The following PRICKLE1 variants were observed in gnomAD, a reference collection of about 807,000 sequenced individuals.
PRICKLE1 encodes the protein prickle planar cell polarity protein 1.
A neutral mutation model predicts 70.2 loss-of-function variants in PRICKLE1; 14 were observed. The observed-to-expected ratio is 0.20, with a 90% CI of 0.13 to 0.31. The LOEUF is 0.31. Ranked by LOEUF, PRICKLE1 falls within the 10% of genes least tolerant of loss-of-function variation. The pLI, the probability that PRICKLE1 is intolerant of heterozygous loss-of-function variation, is 1.00. For synonymous variants in PRICKLE1, 357 were observed against 379.9 expected (o/e 0.94, Z 0.70); for missense variants, 821 against 1,026.2 (o/e 0.80, Z 2.73).
chr12:42,506,889 T>C (rs1171175184), intron 1 of PRICKLE1, among the ~76,000 whole-genome samples: 2 of 152,130 alleles, frequency 1.3e-5, no homozygotes, highest in African/African-American at 4.8e-5. Context: ...TTGGCATAGC[T>C]TGTGGTACTG....
At chr12:42,579,332 C>CT (rs899776170) in intron 1 of PRICKLE1, among the ~76,000 whole-genome samples, 9 of 152,056 alleles carry the variant, frequency 5.9e-5, no homozygotes, top group East Asian at 3.9e-4. Flanking sequence ...TTTCACATGT[C>CT]TTTTTTTTAA....
intron 1 of PRICKLE1, among the ~76,000 whole-genome samples, chr12:42,545,283 G>A (rs1416590286): frequency 2.6e-5 from 4 of 152,108 alleles, no homozygotes. Context: ...GGGATTACAG[G>A]TGTGAGCCAC....
In PRICKLE1 at chr12:42,460,190, G is replaced by A. The variant is rs1169397345; in HGVS notation, c.2115C>T (p.Thr705=). The stretch of plus-strand genomic sequence containing the variant: ...GTATAAATTTCTCATAGTTATCGGG[G>A]GTGTACAGCCGCAGTCTGTCCTTGG... ...YSPKDRLRLY[T]PDNYEKFIQN... Residue 705 remains threonine, a synonymous_variant, in exon 8 of 8, where the codon ACC becomes ACT. Coordinates refer to ENST00000345127, the MANE Select transcript of PRICKLE1 (RefSeq NM_153026.3). 2 of 1,613,918 alleles carry A rather than the reference G, an allele frequency of 1.2e-6. No homozygotes were observed. The highest frequency in any genetic ancestry group is 2.2e-5 in the East Asian group (1 of 44,902).
intron 1 of PRICKLE1, among the ~76,000 whole-genome samples, chr12:42,553,427 G>C (rs933733097): frequency 1.8e-4 from 25 of 139,604 alleles, no homozygotes; most frequent in African/African-American, 5.2e-4. Flanking sequence ...CTGGGCAACA[G>C]AGCGAGACTC....
intron 5 of PRICKLE1, 137 bp downstream of exon 5, chr12:42,468,489 A>AT (rs1938188326): frequency 1.2e-5 from 10 of 818,950 alleles, no homozygotes; most frequent in Non-Finnish European, 2.0e-5. Flanking sequence ...CATTGTATGA[A>AT]TGTACAGGAT....
intron 1 of PRICKLE1, among the ~76,000 whole-genome samples, chr12:42,568,938 C>T (rs1165133901): frequency 1.3e-5 from 2 of 152,136 alleles, no homozygotes; most frequent in East Asian, 1.9e-4. Context: ...AATCCATAGT[C>T]CCATCTCTCA....
At chr12:42,540,837 A>T (rs773507542) in intron 1 of PRICKLE1, among the ~76,000 whole-genome samples, 1 of 152,164 alleles carries the variant, frequency 6.6e-6, no homozygotes, top group African/African-American at 2.4e-5. Flanking sequence ...CTGGGATTAC[A>T]GTTGTGAGCC....
chr12:42,565,013 A>T (rs1940598028), intron 1 of PRICKLE1, among the ~76,000 whole-genome samples: 1 of 152,274 alleles, frequency 6.6e-6, no homozygotes, highest in African/African-American at 2.4e-5. Context: ...TCACATGTTT[A>T]AAAACATTAT....
chr12:42,519,801 CTT>C (rs779664456), intron 1 of PRICKLE1, among the ~76,000 whole-genome samples: 1 of 152,112 alleles, frequency 6.6e-6, no homozygotes, highest in Admixed American at 6.6e-5. Context: ...TGACCTGTGA[CTT>C]TGAGTATTTG....
At position 42,564,269 on chromosome 12, in the gene PRICKLE1, A is replaced by AAAAAAAAG. The variant is rs71084673; in HGVS notation, c.-49+25195_-49+25196insCTTTTTTT. ...GACTCTGTCTAAAAAAAAAAAAAAA[A>AAAAAAAAG]AAAGAAAAGAAAAAAGAAAAAGGTC... On this transcript the variant is annotated intron_variant, in intron 1 of 7. Coordinates refer to ENST00000345127, the MANE Select transcript of PRICKLE1 (RefSeq NM_153026.3). Among the ~76,000 whole-genome samples the AAAAAAAAG allele has an allele frequency of 1.6e-4, 20 of 125,000 alleles. 1 individual carries two copies. The highest frequency in any genetic ancestry group is 6.0e-4 in the Admixed American group (7 of 11,584). The allele number at this position is 125,000 out of a possible 152,430, so 82.0% of individuals were successfully genotyped here.
chr12:42,521,346 T>C (rs1047053119), intron 1 of PRICKLE1, among the ~76,000 whole-genome samples: 1 of 152,188 alleles, frequency 6.6e-6, no homozygotes, highest in South Asian at 2.1e-4. Context: ...ATATATTTAG[T>C]AGATAAAGGA....
At chr12:42,489,829 A>C (rs1488121030) in intron 1 of PRICKLE1, 1 of 152,146 alleles carries the variant, frequency 6.6e-6, no homozygotes, top group African/African-American at 2.4e-5. Flanking sequence ...GGGTGTCACC[A>C]GTCCCACATT....
chr12:42,475,961 G>A (rs771201736), intron 1 of PRICKLE1, among the ~76,000 whole-genome samples: 9 of 151,464 alleles, frequency 5.9e-5, no homozygotes, highest in Non-Finnish European at 8.8e-5. Context: ...TCAGCTGGGC[G>A]TGGTGGTATG....
intron 1 of PRICKLE1, among the ~76,000 whole-genome samples, chr12:42,559,829 A>C (rs1006203765): frequency 6.6e-6 from 1 of 151,710 alleles, no homozygotes; most frequent in African/African-American, 2.4e-5. Context: ...CCCTGATTTG[A>C]TTGATTAAAC....
At chr12:42,469,725 G>A (rs1044030685) in intron 3 of PRICKLE1, 138 bp from the exon 4 acceptor site, 3 of 1,042,736 alleles carry the variant, frequency 2.9e-6, no homozygotes, top group Non-Finnish European at 4.3e-6. Flanking sequence ...ATTTTAAAAT[G>A]ACACCATATC....
intron 6 of PRICKLE1, 70 bp from the exon 7 acceptor site, chr12:42,465,328 C>T (rs1029903521): frequency 1.7e-5 from 25 of 1,488,980 alleles, no homozygotes; most frequent in Non-Finnish European, 2.0e-5. Flanking sequence ...AAGGAAGAAA[C>T]GAAGAAAATA....
At chr12:42,495,211 CA>C (rs1939175775) in intron 1 of PRICKLE1, among the ~76,000 whole-genome samples, 3 of 150,774 alleles carry the variant, frequency 2.0e-5, no homozygotes, top group Admixed American at 6.6e-5. Context: ...TCTACAAAAA[CA>C]AAACAAAACA....
chr12:42,484,639 C>T lies in PRICKLE1; in HGVS notation c.-48-12075G>A, dbSNP rs77241306. Reference sequence around the variant, plus strand: ...GCGATGTACTAACTCAAGTACACTACTGAGAGTTTTTACAAATAGGTTAAG... The same window carrying T: ...GCGATGTACTAACTCAAGTACACTATTGAGAGTTTTTACAAATAGGTTAAG... On this transcript the variant is annotated intron_variant, in intron 1 of 7. Transcript: ENST00000345127. 9.0e-3 allele frequency among the ~76,000 whole-genome samples: 1,368 copies of T among 152,240 alleles called. 18 individuals carry two copies. The highest frequency in any genetic ancestry group is 0.031 in the African/African-American group (1,296 of 41,514).
At chr12:42,549,839 G>A (rs1592020550) in intron 1 of PRICKLE1, among the ~76,000 whole-genome samples, 2 of 152,290 alleles carry the variant, frequency 1.3e-5, no homozygotes, top group South Asian at 4.1e-4. Context: ...TGCTTCCCTT[G>A]AAATTTGCAT....
Sources: allele counts gnomAD v4.1 joint callset (sites outside exome capture counted in the v4.1 genomes callset), GRCh38; gene constraint gnomAD v4.1.1; transcripts MANE v1.5; gene names NCBI Gene and HGNC (gene_info 2026-07-23, HGNC 2026-07-21).